FAM167A: variants seen among roughly 807,000 people sequenced by gnomAD.
FAM167A encodes protein FAM167A.
FAM167A carries 23 observed loss-of-function variants against 14.9 expected under a neutral mutation model. The ratio of observed to expected loss-of-function variants is 1.55; its 90% CI spans 1.11 to 2.19. FAM167A has a LOEUF of 2.19. Ranked by LOEUF, FAM167A falls within the 30% of genes most tolerant of loss-of-function variation. The pLI is 0.00. For missense variants in FAM167A, 401 were observed against 281.5 expected, an observed-to-expected ratio of 1.42 and a Z score of -3.04; for synonymous variants, 174 against 117.7, an observed-to-expected ratio of 1.48 and a Z score of -3.10.
At position 11,421,494 on chromosome 8, in the gene FAM167A, AT is replaced by A; in HGVS notation, c.*2878del. The A allele has an allele frequency of 2.7e-6, 1 of 364,940 alleles. No individual in the cohort carries two copies. 22.6% of individuals were successfully genotyped at this position (364,940 alleles called of 1,614,324 possible). ...TCTCTCCTTTTATTTTTATATGGAT[AT>A]CTTCTTTTGAAGTATTTTTATTTCA... On this transcript the variant is annotated 3_prime_UTR_variant, in exon 3 of 3. Coordinates refer to ENST00000284486, the MANE Select transcript of FAM167A (RefSeq NM_053279.3).
At chr8:11,437,425 C>T (rs11782375) in intron 2 of FAM167A, among the ~76,000 whole-genome samples, 42,399 of 152,052 alleles carry the variant, frequency 0.28, 7,159 homozygotes, top group East Asian at 0.65. Flanking sequence ...CTGCTCAACG[C>T]GCTGCCAAGT....
rs1235359531 is a variant in FAM167A, at chr8:11,421,767, A to C, written c.*2606T>G. 2.5e-6 allele frequency: 1 copy of C among 399,026 alleles called. No homozygotes were observed. The highest frequency in any genetic ancestry group is 4.4e-6 in the Non-Finnish European group (1 of 226,100). 24.7% of individuals were successfully genotyped at this position (399,026 alleles called of 1,614,324 possible). On this transcript the variant is annotated 3_prime_UTR_variant, in exon 3 of 3. Transcript: ENST00000284486. ...GTTTTACACCCAGCGATGCTTGGGG[A>C]TGGCAGAGAGATGGATGGATAATGA... is the stretch of plus-strand genomic sequence containing the variant.
intron 1 of FAM167A, among the ~76,000 whole-genome samples, chr8:11,451,933 T>C (rs988064387): frequency 2.0e-5 from 3 of 152,196 alleles, no homozygotes; most frequent in Admixed American, 2.0e-4. Flanking sequence ...TACAATAATG[T>C]CATTTTCTCT....
chr8:11,425,684 G>C (rs1432827306), intron 2 of FAM167A, among the ~76,000 whole-genome samples: 1 of 151,984 alleles, frequency 6.6e-6, no homozygotes, highest in East Asian at 1.9e-4. Flanking sequence ...CCTTGCTGTT[G>C]GAGTTTAGGC....
chr8:11,434,780 G>A (rs1196436212), intron 2 of FAM167A: 1 of 320,960 alleles, frequency 3.1e-6, no homozygotes, highest in East Asian at 8.2e-5. Context: ...CAGGTGGCAT[G>A]TGCCCTACAC....
intron 1 of FAM167A, among the ~76,000 whole-genome samples, chr8:11,452,587 C>T (rs1807068943): frequency 6.6e-6 from 1 of 152,200 alleles, no homozygotes; most frequent in Non-Finnish European, 1.5e-5. Context: ...CCCTTCTCAT[C>T]ATCAGCCTCC....
intron 1 of FAM167A, among the ~76,000 whole-genome samples, chr8:11,445,798 C>A (rs1422667799): frequency 1.3e-5 from 2 of 148,730 alleles, no homozygotes; most frequent in Non-Finnish European, 3.0e-5. Flanking sequence ...AGGTGGTAAG[C>A]CCTGGATTTT....
chr8:11,422,493 G>C lies in FAM167A; in HGVS notation c.*1880C>G, dbSNP rs991489987. On this transcript the variant is annotated 3_prime_UTR_variant, in exon 3 of 3. Transcript: ENST00000284486. ...CAGGACTTGGCAGTGTTTGTGCAGA[G>C]CTCTGAGGAAGGACAGCAGTACATG... 4 of 152,492 alleles carry C rather than the reference G, an allele frequency of 2.6e-5. No homozygotes were observed. The highest frequency in any genetic ancestry group is 9.7e-5 in the African/African-American group (4 of 41,356). 9.4% of individuals were successfully genotyped at this position (152,492 alleles called of 1,614,324 possible).
Position 11,421,793 on chromosome 8 carries a change from G to T in FAM167A, c.*2580C>A. On this transcript the variant is annotated 3_prime_UTR_variant, in exon 3 of 3. Coordinates refer to ENST00000284486, the MANE Select transcript of FAM167A (RefSeq NM_053279.3). ...TGGCAGAGAGATGGATGGATAATGA[G>T]TACAACTGCAAACAGCACTGTACAC... 2.5e-6 allele frequency: 1 copy of T among 398,914 alleles called. No individual in the cohort carries two copies. The highest frequency in any genetic ancestry group is 4.4e-6 in the Non-Finnish European group (1 of 226,078). The allele number at this position is 398,914 out of a possible 1,614,324, so 24.7% of individuals were successfully genotyped here.
At chr8:11,472,872 A>G (rs1366730945) in intron 1 of FAM167A, among the ~76,000 whole-genome samples, 1 of 152,180 alleles carries the variant, frequency 6.6e-6, no homozygotes, top group Non-Finnish European at 1.5e-5. Flanking sequence ...AATAGACTCT[A>G]TCCTGCTGGG....
intron 1 of FAM167A, among the ~76,000 whole-genome samples, chr8:11,454,676 GGTGA>G (rs1037611329): frequency 4.6e-5 from 7 of 152,330 alleles, no homozygotes; most frequent in African/African-American, 1.4e-4. Flanking sequence ...CTTTGTTCTG[GGTGA>G]GTAAGAGGTT....
At chr8:11,424,768 C>A in intron 2 of FAM167A, 132 bp from the exon 3 acceptor site, 1 of 1,330,652 alleles carries the variant, frequency 7.5e-7, no homozygotes, top group Non-Finnish European at 1.0e-6. Flanking sequence ...TAGCACTTTC[C>A]CTGCTCAGGG....
intron 2 of FAM167A, among the ~76,000 whole-genome samples, chr8:11,434,472 G>C (rs1420703296): frequency 6.6e-6 from 1 of 152,060 alleles, no homozygotes; most frequent in African/African-American, 2.4e-5. Context: ...GGGCTCCTGT[G>C]CCCCCTGGGG....
intron 2 of FAM167A, among the ~76,000 whole-genome samples, chr8:11,439,515 A>T (rs1806293462): frequency 6.6e-6 from 1 of 152,252 alleles, no homozygotes; most frequent in Admixed American, 6.5e-5. Flanking sequence ...AGTTTAGGTC[A>T]CAGGCCTCCT....
intron 2 of FAM167A, among the ~76,000 whole-genome samples, chr8:11,425,042 A>G (rs1304794978): frequency 6.6e-6 from 1 of 152,174 alleles, no homozygotes; most frequent in Non-Finnish European, 1.5e-5. Context: ...TGGGAAAGGT[A>G]TATGGGGGCT....
In FAM167A at chr8:11,431,917, A is replaced by AAAAAAAAAG. The variant is rs752330983; in HGVS notation, c.382-7282_382-7281insCTTTTTTTT. On this transcript the variant is annotated intron_variant, in intron 2 of 2. Transcript: ENST00000284486. ...GCAAAAAAAAAAAAAAAAAAAAAAA[A>AAAAAAAAAG]AAGGATTTTGTTCTTTGCCAAAGGC... Among the ~76,000 whole-genome samples the AAAAAAAAAG allele has an allele frequency of 1.7e-4, 17 of 99,498 alleles. 3 individuals carry two copies. Among genetic ancestry groups the AAAAAAAAAG allele is most frequent in the Admixed American group, 2.4e-4 (2 of 8,510 alleles). 65.3% of individuals were successfully genotyped at this position (99,498 alleles called of 152,430 possible).
intron 1 of FAM167A, among the ~76,000 whole-genome samples, chr8:11,475,600 G>A (rs1797851487): frequency 6.6e-6 from 1 of 152,066 alleles, no homozygotes; most frequent in East Asian, 1.9e-4. Flanking sequence ...AAGTCTTCTT[G>A]CCATCAGAAG....
rs541366353 is a variant in FAM167A at position 11,445,615 on chromosome 8, C to T, written c.-397-807G>A. The T allele has an allele frequency of 7.1e-6, 7 of 985,466 alleles. No individual in the cohort carries two copies. In the African/African-American group the frequency reaches 8.7e-5, roughly 12 times the overall value. 61.0% of individuals were successfully genotyped at this position (985,466 alleles called of 1,614,324 possible). On this transcript the variant is annotated intron_variant, in intron 1 of 2. Transcript: ENST00000284486. Reference sequence around the variant, plus strand: ...GCTATGGGATCTGATGTGGCCTCCCCATCTCCAGAGAGGAGGCATAAGCCC... The same window carrying T: ...GCTATGGGATCTGATGTGGCCTCCCTATCTCCAGAGAGGAGGCATAAGCCC...
chr8:11,467,993 C>T (rs898172280), upstream of FAM167A, among the ~76,000 whole-genome samples: 1 of 152,184 alleles, frequency 6.6e-6, no homozygotes, highest in African/African-American at 2.4e-5. Context: ...AACATCACTC[C>T]TTCCTTCTTC....
Sources: gnomAD v4.1 joint callset for allele counts (sites outside exome capture counted in the v4.1 genomes callset) on GRCh38, gnomAD v4.1.1 for gene constraint, MANE v1.5 for transcripts, NCBI Gene and HGNC (gene_info 2026-07-23, HGNC 2026-07-21) for gene names.